Variants in CDIP1 observed in about 807,000 individuals in gnomAD.
CDIP1 encodes cell death-inducing p53-target protein 1.
A neutral mutation model predicts 17.7 loss-of-function variants in CDIP1; 9 were observed. The observed-to-expected ratio is 0.51, with a 90% CI of 0.31 to 0.89. The LOEUF (loss-of-function observed/expected upper bound fraction) is 0.89. CDIP1 is among the 40% of genes least tolerant of loss of function. The pLI is 0.05. For missense variants in CDIP1, 263 were observed against 277.9 expected (o/e 0.95, Z 0.38); for synonymous variants, 117 against 109.5 (o/e 1.07, Z -0.43).
rs202100777 is a variant in CDIP1 at position 4,514,163 on chromosome 16, C to A, written c.-14-19G>T. ...GCTTCTCCTGGACATGGAGGGAAAA[C>A]CCAGACATGAACTAAGCTCCCAGCC... On this transcript the variant is annotated intron_variant, in intron 2 of 5. Transcript: ENST00000567695. This position sits in a 1 kb window ranked among gnomAD's most constrained non-coding sequence, Gnocchi z 5.2. 1.9e-5 allele frequency: 26 copies of A among 1,403,760 alleles called. No individual in the cohort carries two copies. Among genetic ancestry groups the A allele is most frequent in the Admixed American group, 2.6e-5 (1 of 37,920 alleles). The allele number at this position is 1,403,760 out of a possible 1,614,324, so 87.0% of individuals were successfully genotyped here. A position where few individuals can be genotyped will look rare whatever the true frequency, so the allele number is the denominator to read the frequency against.
At position 4,535,606 on chromosome 16, in the gene CDIP1, G is replaced by A. The variant is rs144988782; in HGVS notation, c.-105+3096C>T. On this transcript the variant is annotated intron_variant, in intron 1 of 5. Transcript: ENST00000567695. Reference sequence around the variant, plus strand: ...GCCAGCAAGGCCTGTCTGTCACACAGCTTCAACATGACAGAGAGGTCTCCA... The same window carrying A: ...GCCAGCAAGGCCTGTCTGTCACACAACTTCAACATGACAGAGAGGTCTCCA... 1.7e-4 allele frequency among the ~76,000 whole-genome samples: 26 copies of A among 152,334 alleles called. 1 individual carries two copies. Among genetic ancestry groups the A allele is most frequent in the African/African-American group, 6.0e-4 (25 of 41,568 alleles).
intron 1 of CDIP1, chr16:4,532,250 A>C (rs1183739103): frequency 1.3e-5 from 2 of 152,222 alleles, no homozygotes; most frequent in Non-Finnish European, 2.9e-5. Flanking sequence ...TCAACCAATA[A>C]GTATGGACCA....
At chr16:4,538,506 C>G (rs1053990487) in intron 1 of CDIP1, 196 bp downstream of exon 1, 4 of 152,032 alleles carry the variant, frequency 2.6e-5, no homozygotes, top group South Asian at 2.1e-4. Context: ...GTCACCCCCC[C>G]CACCACAACC....
rs1303203761 is a variant in CDIP1 at position 4,512,602 on chromosome 16, G to C, written c.597C>G (p.Ala199=). 5.6e-6 allele frequency: 9 copies of C among 1,613,970 alleles called. No homozygotes were observed. The highest frequency in any genetic ancestry group is 7.6e-6 in the Non-Finnish European group (9 of 1,179,908). ...ACAGGCGCTTGTACGTGTAGATGTA[G>C]GCTTTGCAGCTGGGGCATGTGTGCG... ...DVTHTCPSCK[A]YIYTYKRLC Residue 199 remains alanine, a synonymous_variant, in exon 6 of 6, where the codon GCC becomes GCG. Transcript: ENST00000567695. The surrounding 1 kb of genome is among the most constrained non-coding windows in gnomAD (Gnocchi z 4.6).
In CDIP1 at chr16:4,512,539, T is replaced by G; in HGVS notation, c.*33A>C. The G allele has an allele frequency of 6.7e-7, 1 of 1,498,288 alleles. No homozygotes were observed. The highest frequency in any genetic ancestry group is 9.3e-7 in the Non-Finnish European group (1 of 1,074,854). The allele number at this position is 1,498,288 out of a possible 1,614,324, so 92.8% of individuals were successfully genotyped here. On this transcript the variant is annotated 3_prime_UTR_variant, in exon 6 of 6. Transcript: ENST00000567695. The surrounding 1 kb of genome is among the most constrained non-coding windows in gnomAD (Gnocchi z 4.6). ...GGGAGCAAAGCACAGGGGGCCAGAC[T>G]GACAGGCGGGGGAGTCCCGAGTCCC...
chr16:4,533,699 C>CT (rs1225883531), intron 1 of CDIP1: 1 of 151,634 alleles, frequency 6.6e-6, no homozygotes, highest in East Asian at 1.9e-4. Flanking sequence ...CTATCTCATC[C>CT]CCCCACCCTT....
intron 1 of CDIP1, among the ~76,000 whole-genome samples, chr16:4,526,869 C>T (rs963909051): frequency 2.0e-5 from 3 of 152,094 alleles, no homozygotes; most frequent in African/African-American, 4.8e-5. Flanking sequence ...AATCTTGCAC[C>T]GAGTGGGGCA....
chr16:4,537,599 A>G (rs568868545), intron 1 of CDIP1, among the ~76,000 whole-genome samples: 1 of 152,270 alleles, frequency 6.6e-6, no homozygotes, highest in Admixed American at 6.5e-5. Flanking sequence ...TCACTGGGAC[A>G]GGTTCTCAGC....
At chr16:4,521,661 G>A (rs1311752923) in intron 1 of CDIP1, among the ~76,000 whole-genome samples, 2 of 137,474 alleles carry the variant, frequency 1.5e-5, no homozygotes, top group South Asian at 2.5e-4. Context: ...CCAGGAGTTC[G>A]AAACCAGCCT....
At chr16:4,525,539 C>T (rs1186291579) in intron 1 of CDIP1, among the ~76,000 whole-genome samples, 1 of 152,168 alleles carries the variant, frequency 6.6e-6, no homozygotes, top group Admixed American at 6.5e-5. Context: ...GGGCCCCAAA[C>T]CCTCTCCACT....
rs532083956 is a variant in CDIP1, at chr16:4,518,015, CTG to C, written c.-104-3353_-104-3352del. Among the ~76,000 whole-genome samples, 44 of 152,344 alleles carry C rather than the reference CTG, an allele frequency of 2.9e-4. No homozygotes were observed. The South Asian group carries it at 7.2e-3, about 25-fold the overall frequency. ...CCACCGTCCACCAAGTGGCCCAACA[CTG>C]TGGTCTGCAGTGGTCTTGCTCATCG... On this transcript the variant is annotated intron_variant, in intron 1 of 5. Transcript: ENST00000567695.
At position 4,512,481 on chromosome 16, in the gene CDIP1, C is replaced by G. The variant is rs367655302; in HGVS notation, c.*91G>C. On this transcript the variant is annotated 3_prime_UTR_variant, in exon 6 of 6. Transcript: ENST00000567695. The surrounding 1 kb of genome is among the most constrained non-coding windows in gnomAD (Gnocchi z 4.6). ...GGGATGGTGGCACGGCTCCCAGCCC[C>G]AAGTGGGAGCGGGAAAGTGACCACT... 1 of 919,210 alleles carries G rather than the reference C, an allele frequency of 1.1e-6. No homozygotes were observed. Among genetic ancestry groups the G allele is most frequent in the Admixed American group, 1.9e-5 (1 of 52,956 alleles). 56.9% of individuals were successfully genotyped at this position (919,210 alleles called of 1,614,324 possible).
intron 1 of CDIP1, among the ~76,000 whole-genome samples, chr16:4,530,750 AG>A (rs2059048148): frequency 1.3e-5 from 2 of 152,120 alleles, no homozygotes; most frequent in Admixed American, 1.3e-4. Context: ...TCAAGGCAGG[AG>A]GATCACTTGA....
chr16:4,527,704 G>C (rs150961612), intron 1 of CDIP1, among the ~76,000 whole-genome samples: 1 of 152,184 alleles, frequency 6.6e-6, no homozygotes, highest in African/African-American at 2.4e-5. Flanking sequence ...CAGATTCACA[G>C]GCAAAGATGT....
intron 1 of CDIP1, among the ~76,000 whole-genome samples, chr16:4,525,025 C>T (rs2058985830): frequency 6.6e-6 from 1 of 152,058 alleles, no homozygotes; most frequent in Non-Finnish European, 1.5e-5. Flanking sequence ...TGTTCTAGCC[C>T]AGGGATTCTA....
chr16:4,528,685 A>AAAAAT (rs2059025506), intron 1 of CDIP1, among the ~76,000 whole-genome samples: 1 of 138,228 alleles, frequency 7.2e-6, no homozygotes, highest in African/African-American at 3.0e-5. Flanking sequence ...CCCTGTCTCA[A>AAAAAT]AAAAAAAAAA....
intron 1 of CDIP1, among the ~76,000 whole-genome samples, chr16:4,523,626 C>A (rs1436803760): frequency 6.6e-6 from 1 of 152,184 alleles, no homozygotes; most frequent in East Asian, 1.9e-4. Flanking sequence ...ACAATTACAT[C>A]TGTGACCAGT....
At chr16:4,516,822 C>G (rs2058893288) in intron 1 of CDIP1, among the ~76,000 whole-genome samples, 1 of 150,656 alleles carries the variant, frequency 6.6e-6, no homozygotes, top group Admixed American at 6.7e-5. Flanking sequence ...ATTCTCCTGC[C>G]TCAGCCTCCC....
chr16:4,511,569 G>C lies in CDIP1; in HGVS notation c.*1003C>G. 1 of 152,324 alleles carries C rather than the reference G, an allele frequency of 6.6e-6. No individual in the cohort carries two copies. Among genetic ancestry groups the C allele is most frequent in the East Asian group, 1.9e-4 (1 of 5,192 alleles). The allele number at this position is 152,324 out of a possible 1,614,324, so 9.4% of individuals were successfully genotyped here. On this transcript the variant is annotated 3_prime_UTR_variant, in exon 6 of 6. Transcript: ENST00000567695. ...CGTCCCTAGCCCAGTGTGCCTGCAGGAGCAGGTGTGAGCAGGCACAGCAAC... is the reference window on the plus strand; with the variant it reads ...CGTCCCTAGCCCAGTGTGCCTGCAGCAGCAGGTGTGAGCAGGCACAGCAAC...
Sources: gnomAD v4.1 joint callset for allele counts (sites outside exome capture counted in the v4.1 genomes callset) on GRCh38, gnomAD v4.1.1 for gene constraint, Gnocchi (gnomAD v3.1) non-coding constraint, MANE v1.5 for transcripts, NCBI Gene and HGNC (gene_info 2026-07-23, HGNC 2026-07-21) for gene names.